Variants in MDM4 observed in about 807,000 individuals in gnomAD.
MDM4 encodes the protein protein Mdm4.
Under a neutral mutation model 60.2 loss-of-function variants are expected in MDM4, and 2 were observed. The ratio of observed to expected loss-of-function variants is 0.03; its 90% CI spans 0.01 to 0.10. The LOEUF is 0.10. Among genes scored for constraint, MDM4 ranks in the 10% least tolerant of loss-of-function variants. MDM4 has a pLI of 1.00. For missense variants in MDM4, 447 were observed against 577.5 expected, an observed-to-expected ratio of 0.77 and a Z score of 2.32; for synonymous variants, 202 against 198.1, an observed-to-expected ratio of 1.02 and a Z score of -0.17.
chr1:204,544,886 A>G (rs1317438355), intron 9 of MDM4, among the ~76,000 whole-genome samples: 1 of 152,158 alleles, frequency 6.6e-6, no homozygotes, highest in Non-Finnish European at 1.5e-5. Context: ...AGTCAAAAGC[A>G]GTAAGCTACT....
In MDM4 at chr1:204,545,369, CAT is replaced by C. The variant is rs553188311; in HGVS notation, c.822+686_822+687del. On this transcript the variant is annotated intron_variant, in intron 9 of 10. Transcript: ENST00000367182. ...ATATGGTATGTACTCATGAAGTACT[CAT>C]GTGTATGGTATGTACTCATGTACAG... Among the ~76,000 whole-genome samples the C allele has an allele frequency of 1.1e-3, 160 of 152,210 alleles. 1 individual carries two copies. The highest frequency in any genetic ancestry group is 1.8e-3 in the African/African-American group (73 of 41,538).
chr1:204,518,621 TG>T (rs1659235353), intron 1 of MDM4, among the ~76,000 whole-genome samples: 1 of 152,204 alleles, frequency 6.6e-6, no homozygotes, highest in African/African-American at 2.4e-5. Context: ...GTGATAAGGT[TG>T]GGGATGGTGG....
At position 204,542,780 on chromosome 1, in the gene MDM4, A is replaced by G. The variant is rs200682618; in HGVS notation, c.512-4A>G. On this transcript the variant is annotated splice_region_variant and splice_polypyrimidine_tract_variant and intron_variant, in intron 7 of 10. Coordinates refer to ENST00000367182, the MANE Select transcript of MDM4 (RefSeq NM_002393.5). ...TTATCATTCTTTTCATTTGACTTCT[A>G]TAGATGAAGACTTAATTGAAAATTT... 88 of 1,605,544 alleles carry G rather than the reference A, an allele frequency of 5.5e-5. No individual in the cohort carries two copies. Among genetic ancestry groups the G allele is most frequent in the South Asian group, 1.6e-4 (14 of 90,104 alleles).
intron 10 of MDM4, among the ~76,000 whole-genome samples, chr1:204,548,085 A>T (rs914585355): frequency 1.3e-5 from 2 of 152,216 alleles, no homozygotes; most frequent in African/African-American, 2.4e-5. Flanking sequence ...AAGCAAATGG[A>T]CTGTATTTCA....
At chr1:204,526,674 A>C (rs959581302) in intron 3 of MDM4, among the ~76,000 whole-genome samples, 1 of 152,104 alleles carries the variant, frequency 6.6e-6, no homozygotes, top group Non-Finnish European at 1.5e-5. Flanking sequence ...CGTGTTAGCC[A>C]GGATGGTCTC....
intron 5 of MDM4, chr1:204,532,604 TTATG>T (rs1248823348): frequency 4.9e-6 from 3 of 617,208 alleles, no homozygotes; most frequent in Non-Finnish European, 8.4e-6. Flanking sequence ...CATAGCCAGT[TTATG>T]TATCATTTCC....
At chr1:204,523,159 G>A (rs72752099) in intron 1 of MDM4, among the ~76,000 whole-genome samples, 17,902 of 150,914 alleles carry the variant, frequency 0.12, 1,374 homozygotes, top group Non-Finnish European at 0.17. Context: ...CAGCGTGCCC[G>A]GCTGATAGTC....
chr1:204,552,321 GTT>G lies in MDM4; in HGVS notation c.*2640_*2641del, dbSNP rs1293044973. ...AAAAGAAAAATCTCATAATGTCGTT[GTT>G]GGTTTTTTTTTTTTTTTTTGAGACA... On this transcript the variant is annotated 3_prime_UTR_variant, in exon 11 of 11. Coordinates refer to ENST00000367182, the MANE Select transcript of MDM4 (RefSeq NM_002393.5). 1 of 123,316 alleles carries G rather than the reference GTT, an allele frequency of 8.1e-6. No homozygotes were observed. Among genetic ancestry groups the G allele is most frequent in the Non-Finnish European group, 1.7e-5 (1 of 58,284 alleles). The allele number at this position is 123,316 out of a possible 1,614,324, so 7.6% of individuals were successfully genotyped here. A position where few individuals can be genotyped will look rare whatever the true frequency, so the allele number is the denominator to read the frequency against.
rs1330096766 is a variant in MDM4 at position 204,550,079 on chromosome 1, CT to C, written c.*399del. 4.2e-6 allele frequency: 1 copy of C among 235,908 alleles called. No individual in the cohort carries two copies. The highest frequency in any genetic ancestry group is 8.3e-6 in the Non-Finnish European group (1 of 120,440). The allele number at this position is 235,908 out of a possible 1,614,324, so 14.6% of individuals were successfully genotyped here. ...TGTTTCTGTCACCCCAAAACACTCC[CT>C]TCTGCCCCTCTTCAGACAGTCCTTC... On this transcript the variant is annotated 3_prime_UTR_variant, in exon 11 of 11. Coordinates refer to ENST00000367182, the MANE Select transcript of MDM4 (RefSeq NM_002393.5).
chr1:204,538,514 G>A (rs1661647496), intron 7 of MDM4, among the ~76,000 whole-genome samples: 1 of 152,160 alleles, frequency 6.6e-6, no homozygotes, highest in African/African-American at 2.4e-5. Flanking sequence ...CTAGGATGGT[G>A]CAAGACCCTT....
chr1:204,531,855 A>AC lies in MDM4; in HGVS notation c.288-331dup, dbSNP rs199718438. 8.0e-4 allele frequency among the ~76,000 whole-genome samples: 121 copies of AC among 151,736 alleles called. No individual in the cohort carries two copies. The East Asian group carries it at 0.019, about 23-fold the overall frequency. ...CTCCAAAAAAAAAAGACTCCCCTCC[A>AC]CCCCCACTTTCCAATTACAATGTGA... On this transcript the variant is annotated intron_variant, in intron 4 of 10. Transcript: ENST00000367182.
At chr1:204,529,161 C>T (rs994540851) in intron 3 of MDM4, 1 of 919,966 alleles carries the variant, frequency 1.1e-6, no homozygotes, top group Admixed American at 1.9e-5. Context: ...TGAATTTCCA[C>T]AGGGCTGAGA....
chr1:204,539,926 A>G (rs891916834), intron 7 of MDM4, among the ~76,000 whole-genome samples: 6 of 152,160 alleles, frequency 3.9e-5, no homozygotes, highest in Non-Finnish European at 7.3e-5. Flanking sequence ...TCATGCACGG[A>G]ATTATTTAAA....
rs184687461 is a variant in MDM4 at position 204,552,812 on chromosome 1, T to G, written c.*3130T>G. 5.5e-6 allele frequency: 1 copy of G among 182,402 alleles called. No individual in the cohort carries two copies. Among genetic ancestry groups the G allele is most frequent in the Non-Finnish European group, 1.2e-5 (1 of 85,628 alleles). 11.3% of individuals were successfully genotyped at this position (182,402 alleles called of 1,614,324 possible). Reference sequence around the variant, plus strand: ...TAAGTACTTAGACGATCCTAAGATATGTGCTTGAGCCGAATTTCATCTTTA... The same window carrying G: ...TAAGTACTTAGACGATCCTAAGATAGGTGCTTGAGCCGAATTTCATCTTTA... On this transcript the variant is annotated 3_prime_UTR_variant, in exon 11 of 11. Transcript: ENST00000367182.
At chr1:204,523,463 C>T (rs551250184) in intron 1 of MDM4, among the ~76,000 whole-genome samples, 275 of 127,744 alleles carry the variant, frequency 2.2e-3, no homozygotes, top group African/African-American at 6.9e-3. Flanking sequence ...CGAGACTCCA[C>T]CTAAAAAAAA....
chr1:204,551,659 G>T lies in MDM4; in HGVS notation c.*1977G>T. 2 of 231,132 alleles carry T rather than the reference G, an allele frequency of 8.7e-6. No individual in the cohort carries two copies. Among genetic ancestry groups the T allele is most frequent in the Non-Finnish European group, 1.7e-5 (2 of 116,962 alleles). 14.3% of individuals were successfully genotyped at this position (231,132 alleles called of 1,614,324 possible). ...ATCCTTACCCCCATGGGAAAATGTT[G>T]GTGTGTTCTCAAGGGTATGCATGTG... On this transcript the variant is annotated 3_prime_UTR_variant, in exon 11 of 11. Coordinates refer to ENST00000367182, the MANE Select transcript of MDM4 (RefSeq NM_002393.5).
At position 204,550,093 on chromosome 1, in the gene MDM4, C is replaced by G; in HGVS notation, c.*411C>G. On this transcript the variant is annotated 3_prime_UTR_variant, in exon 11 of 11. Transcript: ENST00000367182. ...CAAAACACTCCCTTCTGCCCCTCTTCAGACAGTCCTTCAGCTATTTCATGG... is the reference window on the plus strand; with the variant it reads ...CAAAACACTCCCTTCTGCCCCTCTTGAGACAGTCCTTCAGCTATTTCATGG... The G allele has an allele frequency of 4.3e-6, 1 of 234,678 alleles. No homozygotes were observed. The highest frequency in any genetic ancestry group is 8.4e-6 in the Non-Finnish European group (1 of 119,518). The allele number at this position is 234,678 out of a possible 1,614,324, so 14.5% of individuals were successfully genotyped here.
At chr1:204,547,059 A>G (rs1339302436) in intron 10 of MDM4, among the ~76,000 whole-genome samples, 182 bp downstream of exon 10, 1 of 152,118 alleles carries the variant, frequency 6.6e-6, no homozygotes, top group Non-Finnish European at 1.5e-5. Context: ...TTAAGAAGGG[A>G]AGGGGATAAT....
intron 10 of MDM4, 21 bp from the exon 11 acceptor site, chr1:204,549,092 T>G (rs1662953640): frequency 1.4e-6 from 2 of 1,460,212 alleles, no homozygotes; most frequent in African/African-American, 1.4e-5. Context: ...GAGTATTAAT[T>G]GGCTTCACTT....
Sources: allele counts gnomAD v4.1 joint callset (sites outside exome capture counted in the v4.1 genomes callset), GRCh38; gene constraint gnomAD v4.1.1; transcripts MANE v1.5; gene names NCBI Gene and HGNC (gene_info 2026-07-23, HGNC 2026-07-21).